The following DCDC2 variants were observed in gnomAD, a reference collection of about 807,000 sequenced individuals.
The protein encoded by DCDC2 is doublecortin domain containing 2, also known as doublecortin domain-containing protein 2.
DCDC2 carries 40 observed loss-of-function variants against 50.2 expected under a neutral mutation model. The ratio of observed to expected loss-of-function variants is 0.80; its 90% CI spans 0.62 to 1.04. DCDC2 has a LOEUF of 1.04. DCDC2 is among the 50% of genes least tolerant of loss of function. The pLI, the probability that DCDC2 is intolerant of heterozygous loss-of-function variation, is 0.00. For synonymous variants in DCDC2, 234 were observed against 210.6 expected, an observed-to-expected ratio of 1.11 and a Z score of -0.96; for missense variants, 570 against 581.9, an observed-to-expected ratio of 0.98 and a Z score of 0.21.
intron 2 of DCDC2, among the ~76,000 whole-genome samples, chr6:24,342,303 T>C (rs1490545906): frequency 6.6e-6 from 1 of 152,204 alleles, no homozygotes; most frequent in East Asian, 1.9e-4. Context: ...TCAAATTGTG[T>C]TACTTTTTTG....
At chr6:24,290,897 C>T (rs1401151337) in intron 5 of DCDC2, 35 bp downstream of exon 5, 1 of 1,579,594 alleles carries the variant, frequency 6.3e-7, no homozygotes, top group Admixed American at 2.0e-5. Context: ...CAAGTGGTAA[C>T]TAAAGCATGA....
At chr6:24,275,707 T>C (rs540033958) in intron 7 of DCDC2, among the ~76,000 whole-genome samples, 1 of 152,166 alleles carries the variant, frequency 6.6e-6, no homozygotes, top group Non-Finnish European at 1.5e-5. Context: ...CAAAATTCTC[T>C]AAAGAAAAAA....
chr6:24,346,711 A>C (rs1020261333), intron 2 of DCDC2, among the ~76,000 whole-genome samples: 5 of 151,320 alleles, frequency 3.3e-5, no homozygotes, highest in African/African-American at 9.8e-5. Flanking sequence ...CCGAGATCAT[A>C]CCATTGCACT....
intron 4 of DCDC2, among the ~76,000 whole-genome samples, chr6:24,299,504 G>GT (rs1759327567): frequency 6.6e-6 from 1 of 152,066 alleles, no homozygotes; most frequent in East Asian, 1.9e-4. Context: ...TAAAAAAGAG[G>GT]TAACTGGTCT....
chr6:24,329,381 G>A (rs1759928810), intron 2 of DCDC2, among the ~76,000 whole-genome samples: 1 of 152,110 alleles, frequency 6.6e-6, no homozygotes, highest in African/African-American at 2.4e-5. Context: ...AAAACAAGCT[G>A]AATTAAATCT....
rs1225399801 is a variant in DCDC2, at chr6:24,178,591, C to A, written c.1065G>T (p.Lys355Asn). Residue 355 changes from lysine to asparagine, a missense_variant, in exon 9 of 10, where the codon AAG becomes AAT. Physicochemically the swap from Lys to Asn is moderately conservative, Grantham distance 94. Transcript: ENST00000378454. ...CTTTCTGTTCTGCATCCTTGTTTGC[C>A]TTCTCTCCATCTTCTTCCTCGTCTA... The part of the protein sequence containing the change: ...EIVDEEEDGE[K>N]ANKDAEQKED... 6.2e-7 allele frequency: 1 copy of A among 1,613,866 alleles called. No individual in the cohort carries two copies. Among genetic ancestry groups the A allele is most frequent in the Admixed American group, 1.7e-5 (1 of 60,018 alleles).
At chr6:24,352,055 G>A (rs1472365134) in intron 2 of DCDC2, among the ~76,000 whole-genome samples, 1 of 152,170 alleles carries the variant, frequency 6.6e-6, no homozygotes, top group Non-Finnish European at 1.5e-5. Flanking sequence ...AGTGAGCAGA[G>A]ATCGAGCCAC....
At chr6:24,255,369 T>C (rs1196655841) in intron 7 of DCDC2, among the ~76,000 whole-genome samples, 1 of 130,598 alleles carries the variant, frequency 7.7e-6, no homozygotes. Flanking sequence ...GTCATAGCAC[T>C]GAAAAAAAAA....
rs2113839775 is a variant in DCDC2 at position 24,303,871 on chromosome 6, CT to C, written c.349-1828del. The stretch of plus-strand genomic sequence containing the variant: ...TTAGTGAACCTATGTCTATGAGCCC[CT>C]ACTATTTGCTACGCACTTTGCTAGT... On this transcript the variant is annotated intron_variant, in intron 2 of 9. Transcript: ENST00000378454. Among the ~76,000 whole-genome samples, 2 of 152,286 alleles carry C rather than the reference CT, an allele frequency of 1.3e-5. 1 individual carries two copies. The highest frequency in any genetic ancestry group is 1.3e-4 in the Admixed American group (2 of 15,300).
intron 8 of DCDC2, among the ~76,000 whole-genome samples, chr6:24,181,047 T>C (rs541133072): frequency 1.3e-5 from 2 of 152,340 alleles, no homozygotes; most frequent in South Asian, 2.1e-4. Context: ...TTTGTCATTA[T>C]GCAGATTAAA....
chr6:24,181,799 G>A (rs76287433), intron 8 of DCDC2, among the ~76,000 whole-genome samples: 3,443 of 152,116 alleles, frequency 0.023, 49 homozygotes, highest in Middle Eastern at 0.048. Context: ...TGTTTTTTAC[G>A]GAAATAGAAA....
intron 2 of DCDC2, among the ~76,000 whole-genome samples, chr6:24,336,874 G>C (rs1224140713): frequency 6.6e-6 from 1 of 152,128 alleles, no homozygotes; most frequent in Non-Finnish European, 1.5e-5. Flanking sequence ...ATTAGGTACA[G>C]TGCTAGGAGC....
intron 8 of DCDC2, among the ~76,000 whole-genome samples, chr6:24,189,155 T>C (rs1761263531): frequency 6.6e-6 from 1 of 152,186 alleles, no homozygotes. Context: ...TTGCTATTTA[T>C]TTTGTAACTG....
chr6:24,340,819 C>T (rs948122948), intron 2 of DCDC2, among the ~76,000 whole-genome samples: 8 of 152,170 alleles, frequency 5.3e-5, no homozygotes, highest in Admixed American at 1.3e-4. Context: ...TCCACCTCCC[C>T]GGCTCAAGCA....
At chr6:24,277,804 ACT>A (rs1194883385) in intron 7 of DCDC2, among the ~76,000 whole-genome samples, 1 of 152,228 alleles carries the variant, frequency 6.6e-6, no homozygotes, top group African/African-American at 2.4e-5. Flanking sequence ...AAAAAAACAT[ACT>A]TTTAAAATAA....
rs187206189 is a variant in DCDC2 at position 24,209,948 on chromosome 6, A to G, written c.923-4846T>C. On this transcript the variant is annotated intron_variant, in intron 7 of 9. Coordinates refer to ENST00000378454, the MANE Select transcript of DCDC2 (RefSeq NM_016356.5). ...GAGATTATTCTTGTCAAAATTATCA[A>G]TGACCATCATTACAATATTTATTAT... is the stretch of plus-strand genomic sequence containing the variant. Among the ~76,000 whole-genome samples the G allele has an allele frequency of 1.9e-3, 295 of 152,184 alleles. 2 individuals are homozygous for G. Among genetic ancestry groups the G allele is most frequent in the African/African-American group, 6.8e-3 (282 of 41,502 alleles).
At chr6:24,293,314 G>A (rs1278282301) in intron 4 of DCDC2, among the ~76,000 whole-genome samples, 1 of 152,060 alleles carries the variant, frequency 6.6e-6, no homozygotes, top group African/African-American at 2.4e-5. Context: ...ACAAACACAA[G>A]AAACATAAAA....
At chr6:24,176,231 A>AGCTG (rs1440430675) in intron 9 of DCDC2, among the ~76,000 whole-genome samples, 1 of 152,132 alleles carries the variant, frequency 6.6e-6, no homozygotes, top group Non-Finnish European at 1.5e-5. Flanking sequence ...GGGAGGTCAA[A>AGCTG]GCTGCAGTGA....
chr6:24,272,981 G>A (rs1763269658), intron 7 of DCDC2, among the ~76,000 whole-genome samples: 1 of 151,022 alleles, frequency 6.6e-6, no homozygotes, highest in Non-Finnish European at 1.5e-5. Context: ...ATGGATAACT[G>A]GAAAAAGAAA....
Sources: allele counts gnomAD v4.1 joint callset (sites outside exome capture counted in the v4.1 genomes callset), GRCh38; gene constraint gnomAD v4.1.1; transcripts MANE v1.5; gene names NCBI Gene and HGNC (gene_info 2026-07-23, HGNC 2026-07-21).